Variants in RBFOX1 observed in about 807,000 individuals in gnomAD.
The protein encoded by RBFOX1 is RNA binding protein fox-1 homolog 1.
RBFOX1 carries 8 observed loss-of-function variants against 57.7 expected under a neutral mutation model. That is an observed-to-expected ratio of 0.14 (90% CI 0.08 to 0.25). The LOEUF is 0.25. RBFOX1 is among the 10% of genes least tolerant of loss of function. The pLI is 1.00. For missense variants in RBFOX1, 611 were observed against 548.5 expected (o/e 1.11, Z -1.14); for synonymous variants, 326 against 222.4 (o/e 1.47, Z -4.15).
At chr16:6,525,180 T>C (rs1598883610) in intron 2 of RBFOX1, among the ~76,000 whole-genome samples, 2 of 152,312 alleles carry the variant, frequency 1.3e-5, no homozygotes, top group African/African-American at 4.8e-5. Context: ...ATAGTAAGTG[T>C]TAGAAGGCAA....
At chr16:6,573,157 C>T (rs2097369184) in intron 2 of RBFOX1, among the ~76,000 whole-genome samples, 2 of 152,142 alleles carry the variant, frequency 1.3e-5, no homozygotes, top group South Asian at 4.1e-4. Flanking sequence ...TTCACCACTA[C>T]CAGAGACTTT....
chr16:7,013,106 C>A (rs1321619849), intron 3 of RBFOX1, among the ~76,000 whole-genome samples: 1 of 152,114 alleles, frequency 6.6e-6, no homozygotes, highest in Non-Finnish European at 1.5e-5. Flanking sequence ...TCAAAAGTCC[C>A]ATCTCCAAAT....
chr16:5,332,406 T>C (rs2341517), intron 1 of RBFOX1, among the ~76,000 whole-genome samples: 151,520 of 152,042 alleles, frequency 1, 75,503 homozygotes, highest in East Asian at 1. Context: ...GAATTACAGG[T>C]ACATGCCACC....
intron 3 of RBFOX1, among the ~76,000 whole-genome samples, chr16:5,854,309 T>G (rs140931475): frequency 6.6e-6 from 1 of 152,352 alleles, no homozygotes; most frequent in Non-Finnish European, 1.5e-5. Flanking sequence ...ACTGAAACTT[T>G]GTGTGTTTTG....
intron 4 of RBFOX1, among the ~76,000 whole-genome samples, chr16:7,470,923 C>A (rs901281794): frequency 7.9e-5 from 12 of 151,172 alleles, no homozygotes; most frequent in Non-Finnish European, 1.6e-4. Context: ...TTTTTTTTAA[C>A]CTAAAAATAT....
At chr16:6,857,905 C>T (rs1436422176) in intron 3 of RBFOX1, among the ~76,000 whole-genome samples, 1 of 152,184 alleles carries the variant, frequency 6.6e-6, no homozygotes, top group Non-Finnish European at 1.5e-5. Flanking sequence ...GCCTATCCCA[C>T]AGAAGTCATT....
intron 1 of RBFOX1, among the ~76,000 whole-genome samples, chr16:6,177,805 T>C (rs982395342): frequency 1.1e-4 from 17 of 151,852 alleles, no homozygotes; most frequent in African/African-American, 4.1e-4. Context: ...TGGACACTGC[T>C]CACAGGCAAA....
At chr16:7,597,189 A>T (rs2094748119) in intron 8 of RBFOX1, 182 bp from the exon 9 acceptor site, 1 of 504,572 alleles carries the variant, frequency 2.0e-6, no homozygotes. Flanking sequence ...AACGGTTATG[A>T]AGTAAATGTA....
intron 4 of RBFOX1, among the ~76,000 whole-genome samples, chr16:7,058,865 ATATT>A (rs1317692041): frequency 6.6e-6 from 1 of 152,166 alleles, no homozygotes; most frequent in African/African-American, 2.4e-5. Context: ...TTAAAGATAA[ATATT>A]AACTTCATAA....
chr16:6,712,495 C>A (rs1371148513), intron 3 of RBFOX1, among the ~76,000 whole-genome samples: 1 of 152,116 alleles, frequency 6.6e-6, no homozygotes, highest in Non-Finnish European at 1.5e-5. Context: ...CCAGTTTTTT[C>A]CATCTCAGTG....
chr16:6,428,897 A>G (rs1860563), intron 2 of RBFOX1, among the ~76,000 whole-genome samples: 63,131 of 152,098 alleles, frequency 0.42, 15,920 homozygotes, highest in African/African-American at 0.71. Context: ...AGCTTTATCA[A>G]AGTATCGTGT....
intron 2 of RBFOX1, among the ~76,000 whole-genome samples, chr16:5,585,127 C>T (rs982512786): frequency 1.3e-5 from 2 of 152,104 alleles, no homozygotes; most frequent in African/African-American, 2.4e-5. Context: ...TTTTAATCTC[C>T]CCAAAATAAA....
intron 4 of RBFOX1, among the ~76,000 whole-genome samples, chr16:7,294,748 G>A (rs1440974678): frequency 6.6e-6 from 1 of 151,794 alleles, no homozygotes; most frequent in Non-Finnish European, 1.5e-5. Context: ...TGCTTACGAG[G>A]TTTAGATATT....
chr16:7,024,710 G>A (rs1297981629), intron 3 of RBFOX1, among the ~76,000 whole-genome samples: 1 of 152,150 alleles, frequency 6.6e-6, no homozygotes, highest in Non-Finnish European at 1.5e-5. Flanking sequence ...AAATTCCTCA[G>A]CACTCTGTCC....
rs1347385174 is a variant in RBFOX1, at chr16:7,223,246, G to C, written c.27+171148G>C. Among the ~76,000 whole-genome samples the C allele has an allele frequency of 2.0e-5, 3 of 152,208 alleles. No individual in the cohort carries two copies. The East Asian group carries it at 5.8e-4, about 29-fold the overall frequency. ...CAAGATCAGAAGCATGAGAGGGTAA[G>C]ACCTCTAGGGGAGTCTGCATAGGTC... On this transcript the variant is annotated intron_variant, in intron 4 of 15. Coordinates refer to ENST00000550418, the MANE Select transcript of RBFOX1 (RefSeq NM_018723.4).
At chr16:5,354,459 T>C (rs1166172541) in intron 1 of RBFOX1, among the ~76,000 whole-genome samples, 1 of 152,160 alleles carries the variant, frequency 6.6e-6, no homozygotes, top group Admixed American at 6.5e-5. Flanking sequence ...GGTTTTCTTG[T>C]GTGTAATGGA....
intron 1 of RBFOX1, among the ~76,000 whole-genome samples, chr16:5,384,308 G>A (rs955289191): frequency 6.6e-6 from 1 of 152,190 alleles, no homozygotes; most frequent in African/African-American, 2.4e-5. Context: ...AGCAGCAGCA[G>A]CGAATCATCT....
chr16:5,458,633 C>G (rs542966865), intron 1 of RBFOX1, among the ~76,000 whole-genome samples: 32 of 152,372 alleles, frequency 2.1e-4, no homozygotes, highest in African/African-American at 7.5e-4. Flanking sequence ...TGACCCTCTA[C>G]TGCTCTTGAA....
At chr16:6,741,073 T>C (rs534904393) in intron 3 of RBFOX1, among the ~76,000 whole-genome samples, 3 of 152,256 alleles carry the variant, frequency 2.0e-5, no homozygotes, top group East Asian at 1.9e-4. Context: ...CCAGACAACA[T>C]TGACCAGCTG....
Sources: allele counts gnomAD v4.1 joint callset (sites outside exome capture counted in the v4.1 genomes callset), GRCh38; gene constraint gnomAD v4.1.1; transcripts MANE v1.5; gene names NCBI Gene and HGNC (gene_info 2026-07-23, HGNC 2026-07-21).